TAOK3: variants seen among roughly 807,000 people sequenced by gnomAD.
The protein encoded by TAOK3 is serine/threonine-protein kinase TAO3.
In TAOK3, 40 loss-of-function variants were observed where a neutral mutation model predicts 120.4. The ratio of observed to expected loss-of-function variants is 0.33; its 90% CI spans 0.26 to 0.43. The LOEUF (loss-of-function observed/expected upper bound fraction) is 0.43. Among genes scored for constraint, TAOK3 ranks in the 20% least tolerant of loss-of-function variants. The pLI, the probability that TAOK3 is intolerant of heterozygous loss-of-function variation, is 1.00. For synonymous variants in TAOK3, 355 were observed against 387.5 expected, an observed-to-expected ratio of 0.92 and a Z score of 0.99; for missense variants, 821 against 1,112.1, an observed-to-expected ratio of 0.74 and a Z score of 3.72.
chr12:118,317,265 CAAAAA>C (rs970730677), intron 1 of TAOK3, among the ~76,000 whole-genome samples: 1 of 63,634 alleles, frequency 1.6e-5, no homozygotes, highest in Admixed American at 2.2e-4. Context: ...AAGTTTGTCT[CAAAAA>C]AAAAAAAAAA....
rs1206506728 is a variant in TAOK3 at position 118,266,752 on chromosome 12, G to A, written c.-186C>T. The A allele has an allele frequency of 2.5e-6, 1 of 397,170 alleles. No homozygotes were observed. Among genetic ancestry groups the A allele is most frequent in the Non-Finnish European group, 4.4e-6 (1 of 225,404 alleles). The allele number at this position is 397,170 out of a possible 1,614,324, so 24.6% of individuals were successfully genotyped here. ...TATAACTTCAGTCCTTTGTATTTAT[G>A]ATGCAACCTATAGAAAAAGAAGAAC... On this transcript the variant is annotated 5_prime_UTR_variant, in exon 2 of 21. Coordinates refer to ENST00000392533, the MANE Select transcript of TAOK3 (RefSeq NM_016281.4).
intron 12 of TAOK3, 157 bp downstream of exon 12, chr12:118,201,139 G>T: frequency 1.5e-6 from 1 of 686,492 alleles, no homozygotes; most frequent in Non-Finnish European, 2.3e-6. Flanking sequence ...TTATATAAGT[G>T]TTATTTTATG....
chr12:118,369,755 T>A (rs1177976771), intron 1 of TAOK3, among the ~76,000 whole-genome samples: 1 of 151,416 alleles, frequency 6.6e-6, no homozygotes, highest in Non-Finnish European at 1.5e-5. Flanking sequence ...AAATTTAATG[T>A]AAAAAAAAAT....
intron 1 of TAOK3, among the ~76,000 whole-genome samples, chr12:118,287,675 C>A (rs1217755634): frequency 6.6e-6 from 1 of 152,128 alleles, no homozygotes; most frequent in Non-Finnish European, 1.5e-5. Context: ...TTCTAAGTTT[C>A]ATTTCAACTC....
At chr12:118,317,705 A>G (rs1175682354) in intron 1 of TAOK3, among the ~76,000 whole-genome samples, 1 of 152,172 alleles carries the variant, frequency 6.6e-6, no homozygotes, top group Admixed American at 6.6e-5. Flanking sequence ...TACAGATCCA[A>G]TACAATTTGT....
At position 118,162,035 on chromosome 12, in the gene TAOK3, C is replaced by T; in HGVS notation, c.1900-8G>A. 6.2e-7 allele frequency: 1 copy of T among 1,610,670 alleles called. No individual in the cohort carries two copies. Among genetic ancestry groups the T allele is most frequent in the Non-Finnish European group, 8.5e-7 (1 of 1,177,276 alleles). Reference sequence around the variant, plus strand: ...CCTCTTTTTATTTAGTTCCTGCGTCCAGGAACAAAAGATAAACGGAGAGAG... The same window carrying T: ...CCTCTTTTTATTTAGTTCCTGCGTCTAGGAACAAAAGATAAACGGAGAGAG... On this transcript the variant is annotated splice_region_variant and splice_polypyrimidine_tract_variant and intron_variant, in intron 17 of 20. Transcript: ENST00000392533.
intron 2 of TAOK3, among the ~76,000 whole-genome samples, chr12:118,260,206 G>C (rs1480909368): frequency 6.6e-6 from 1 of 152,066 alleles, no homozygotes; most frequent in African/African-American, 2.4e-5. Flanking sequence ...ATGGCTCATT[G>C]CAGCCTCAAC....
chr12:118,196,616 T>G (rs2037742949), intron 13 of TAOK3, among the ~76,000 whole-genome samples: 1 of 152,226 alleles, frequency 6.6e-6, no homozygotes, highest in African/African-American at 2.4e-5. Flanking sequence ...TGGTATTTAT[T>G]AAGCACGTTC....
rs374204797 is a variant in TAOK3, at chr12:118,154,087, C to T, written c.2353-1678G>A. ...TCACAGGTAAATGCCAAAGGATTTA[C>T]TGGCTCCCAATGAGGGTTGTTACTG... On this transcript the variant is annotated intron_variant, in intron 19 of 20. Coordinates refer to ENST00000392533, the MANE Select transcript of TAOK3 (RefSeq NM_016281.4). Among the ~76,000 whole-genome samples, 39 of 152,320 alleles carry T rather than the reference C, an allele frequency of 2.6e-4. No individual in the cohort carries two copies. In the East Asian group the frequency reaches 6.2e-3, roughly 24 times the overall value.
chr12:118,363,304 A>G (rs1184708124), intron 1 of TAOK3, among the ~76,000 whole-genome samples: 1 of 152,096 alleles, frequency 6.6e-6, no homozygotes, highest in Non-Finnish European at 1.5e-5. Context: ...ATATCTTACA[A>G]TTGCACACAG....
chr12:118,339,052 A>G (rs1481440401), intron 1 of TAOK3, among the ~76,000 whole-genome samples: 3 of 152,056 alleles, frequency 2.0e-5, no homozygotes, highest in African/African-American at 7.2e-5. Context: ...GAGAGAGGCA[A>G]AGGATGAAGC....
At chr12:118,181,288 T>C (rs946569054) in intron 15 of TAOK3, 83 bp downstream of exon 15, 3 of 1,219,258 alleles carry the variant, frequency 2.5e-6, no homozygotes, top group African/African-American at 3.0e-5. Flanking sequence ...CATCCCCCAC[T>C]CCTGCCTCTT....
Position 118,150,924 on chromosome 12 carries a change from G to T in TAOK3, c.*73C>A. The T allele has an allele frequency of 7.0e-7, 1 of 1,421,496 alleles. No homozygotes were observed. 88.1% of individuals were successfully genotyped at this position (1,421,496 alleles called of 1,614,324 possible). A position where few individuals can be genotyped will look rare whatever the true frequency, so the allele number is the denominator to read the frequency against. On this transcript the variant is annotated 3_prime_UTR_variant, in exon 21 of 21. Transcript: ENST00000392533. Reference sequence around the variant, plus strand: ...CAACGCCCGTTAAAATGGGGAATGTGGTTTTGCAGGGTCTGAATTTTTTTC... The same window carrying T: ...CAACGCCCGTTAAAATGGGGAATGTTGTTTTGCAGGGTCTGAATTTTTTTC...
intron 14 of TAOK3, among the ~76,000 whole-genome samples, chr12:118,182,789 A>C (rs1402387808): frequency 6.6e-6 from 1 of 151,602 alleles, no homozygotes; most frequent in Admixed American, 6.6e-5. Flanking sequence ...AATGTTACCA[A>C]ATTATAATAC....
intron 1 of TAOK3, among the ~76,000 whole-genome samples, chr12:118,301,012 A>C (rs1269113482): frequency 6.6e-6 from 1 of 152,002 alleles, no homozygotes; most frequent in African/African-American, 2.4e-5. Flanking sequence ...CTGACCTCAA[A>C]TGATCTGCCT....
At chr12:118,246,497 T>C in intron 3 of TAOK3, 2 of 1,560,862 alleles carry the variant, frequency 1.3e-6, no homozygotes, top group Non-Finnish European at 1.7e-6. Flanking sequence ...GCCACGTCGG[T>C]CTGGGTGTTA....
At chr12:118,337,150 T>C (rs141828295) in intron 1 of TAOK3, among the ~76,000 whole-genome samples, 2 of 152,276 alleles carry the variant, frequency 1.3e-5, no homozygotes, top group Admixed American at 1.3e-4. Flanking sequence ...AATAAACATA[T>C]GAAAAGATGT....
At chr12:118,341,198 G>A (rs1447488413) in intron 1 of TAOK3, among the ~76,000 whole-genome samples, 1 of 151,824 alleles carries the variant, frequency 6.6e-6, no homozygotes, top group Non-Finnish European at 1.5e-5. Context: ...ACAGGGTTTC[G>A]CCATGTTGGC....
intron 3 of TAOK3, chr12:118,246,606 G>C: frequency 6.4e-7 from 1 of 1,573,970 alleles, no homozygotes; most frequent in South Asian, 1.1e-5. Context: ...GAACAAGATC[G>C]GCAAGCCCCA....
Sources: gnomAD v4.1 joint callset for allele counts (sites outside exome capture counted in the v4.1 genomes callset) on GRCh38, gnomAD v4.1.1 for gene constraint, MANE v1.5 for transcripts, NCBI Gene and HGNC (gene_info 2026-07-23, HGNC 2026-07-21) for gene names.